LMX1B: variants seen among roughly 807,000 people sequenced by gnomAD.
LMX1B encodes LIM homeobox transcription factor 1 beta, also known as LIM homeobox transcription factor 1-beta.
Under a neutral mutation model 51.4 loss-of-function variants are expected in LMX1B, and 12 were observed. The observed-to-expected ratio is 0.23, with a 90% CI of 0.15 to 0.38. The LOEUF is 0.38. Ranked by LOEUF, LMX1B falls within the 10% of genes least tolerant of loss-of-function variation. The pLI is 1.00. For synonymous variants in LMX1B, 237 were observed against 235.4 expected, an observed-to-expected ratio of 1.01 and a Z score of -0.06; for missense variants, 445 against 571.1, an observed-to-expected ratio of 0.78 and a Z score of 2.25.
rs1025961105 is a variant in LMX1B at position 126,626,194 on chromosome 9, C to T, written c.326+10625C>T. The stretch of plus-strand genomic sequence containing the variant: ...GAGGATCCGCTCTGGAGTCCCCGTG[C>T]GCCCTGGCAGAGGTCGGGGACGCCA... On this transcript the variant is annotated intron_variant, in intron 2 of 7. Transcript: ENST00000373474. This position sits in a 1 kb window ranked among gnomAD's most constrained non-coding sequence, Gnocchi z 4.3. Among the ~76,000 whole-genome samples the T allele has an allele frequency of 5.9e-5, 9 of 152,220 alleles. No individual in the cohort carries two copies. The highest frequency in any genetic ancestry group is 1.2e-4 in the Non-Finnish European group (8 of 68,032).
At chr9:126,664,645 G>T (rs7853078) in intron 2 of LMX1B, among the ~76,000 whole-genome samples, 5,111 of 152,330 alleles carry the variant, frequency 0.034, 279 homozygotes, top group African/African-American at 0.12. Context: ...GGAGGCTGAG[G>T]TGGGCAGATC....
At chr9:126,617,253 G>C (rs949027762) in intron 2 of LMX1B, among the ~76,000 whole-genome samples, 3 of 151,838 alleles carry the variant, frequency 2.0e-5, no homozygotes, top group South Asian at 4.1e-4. Context: ...TGCACCCCTG[G>C]CCTCACTCTG....
intron 2 of LMX1B, among the ~76,000 whole-genome samples, chr9:126,623,588 G>A (rs961298021): frequency 2.6e-5 from 4 of 152,194 alleles, no homozygotes; most frequent in Admixed American, 1.3e-4. Context: ...TTCCCCCCCA[G>A]GCGGGTCCAA....
chr9:126,631,833 G>A (rs973310338), intron 2 of LMX1B, among the ~76,000 whole-genome samples: 4 of 152,140 alleles, frequency 2.6e-5, no homozygotes, highest in African/African-American at 9.7e-5. Context: ...CCCTGCCTCC[G>A]GGTAAGGATG....
chr9:126,621,669 T>G (rs976836774), intron 2 of LMX1B, among the ~76,000 whole-genome samples: 3 of 149,796 alleles, frequency 2.0e-5, no homozygotes, highest in Admixed American at 6.6e-5. Flanking sequence ...TTTTTTTTTT[T>G]TTTTTTTTTT....
intron 2 of LMX1B, among the ~76,000 whole-genome samples, chr9:126,643,850 G>A (rs894463927): frequency 6.6e-6 from 1 of 152,218 alleles, no homozygotes; most frequent in Non-Finnish European, 1.5e-5. Flanking sequence ...TTGTGTGCCA[G>A]GCACTGTGTT....
At chr9:126,644,887 G>A (rs1391250232) in intron 2 of LMX1B, among the ~76,000 whole-genome samples, 2 of 152,186 alleles carry the variant, frequency 1.3e-5, no homozygotes, top group Admixed American at 1.3e-4. Flanking sequence ...GGCCCTTTCA[G>A]CAATTCTGTT....
At position 126,690,890 on chromosome 9, in the gene LMX1B, C is replaced by T. The variant is rs540034621; in HGVS notation, c.381C>T (p.Phe127=). Residue 127 remains phenylalanine (F), a synonymous_variant, in exon 3 of 8, where the codon TTC becomes TTT. Transcript: ENST00000373474. ...TGGAGAAGATCGCCCCCACCGAGTT[C>T]GTGATGCGGGCGCTGGAGTGCGTGT... ...GCMEKIAPTE[F]VMRALECVYH... 126 of 1,613,702 alleles carry T rather than the reference C, an allele frequency of 7.8e-5. No homozygotes were observed. Among genetic ancestry groups the T allele is most frequent in the Admixed American group, 3.3e-5 (2 of 59,996 alleles).
intron 2 of LMX1B, among the ~76,000 whole-genome samples, chr9:126,689,580 A>C (rs2030038564): frequency 6.6e-6 from 1 of 152,246 alleles, no homozygotes; most frequent in Non-Finnish European, 1.5e-5. Flanking sequence ...CCCACAGAGC[A>C]GGACACGTGA....
intron 2 of LMX1B, among the ~76,000 whole-genome samples, chr9:126,651,290 G>A (rs1271054897): frequency 6.8e-6 from 1 of 146,554 alleles, no homozygotes; most frequent in Non-Finnish European, 1.5e-5. Flanking sequence ...CACCTGGAAG[G>A]AGGGACTGGG....
chr9:126,644,066 G>A (rs1835855954), intron 2 of LMX1B, among the ~76,000 whole-genome samples: 1 of 152,100 alleles, frequency 6.6e-6, no homozygotes, highest in Non-Finnish European at 1.5e-5. Flanking sequence ...AGGAGAAGAG[G>A]CCCGGCTGAT....
Position 126,700,919 on chromosome 9 carries a change from C to T in LMX1B, c.*4468C>T, listed in dbSNP as rs2030522404. The T allele has an allele frequency of 1.3e-5, 2 of 152,328 alleles. No individual in the cohort carries two copies. Among genetic ancestry groups the T allele is most frequent in the Admixed American group, 6.5e-5 (1 of 15,290 alleles). The allele number at this position is 152,328 out of a possible 1,614,324, so 9.4% of individuals were successfully genotyped here. A position where few individuals can be genotyped will look rare whatever the true frequency, so the allele number is the denominator to read the frequency against. On this transcript the variant is annotated 3_prime_UTR_variant, in exon 8 of 8. Transcript: ENST00000373474. ...TTAGCGTTTACCACACCACCACCCCCACCCTGCCCTCCACTCTCACCTTCC... is the reference window on the plus strand; with the variant it reads ...TTAGCGTTTACCACACCACCACCCCTACCCTGCCCTCCACTCTCACCTTCC...
intron 2 of LMX1B, among the ~76,000 whole-genome samples, chr9:126,637,695 G>A (rs1835737266): frequency 6.6e-6 from 1 of 152,056 alleles, no homozygotes; most frequent in Admixed American, 6.5e-5. Context: ...CCTGGCCTGT[G>A]ACGTCCATGA....
chr9:126,618,025 G>T lies in LMX1B; in HGVS notation c.326+2456G>T, dbSNP rs941799816. Among the ~76,000 whole-genome samples, 1 of 152,144 alleles carries T rather than the reference G, an allele frequency of 6.6e-6. No homozygotes were observed. Among genetic ancestry groups the T allele is most frequent in the Non-Finnish European group, 1.5e-5 (1 of 68,020 alleles). On this transcript the variant is annotated intron_variant, in intron 2 of 7. Transcript: ENST00000373474. This position sits in a 1 kb window ranked among gnomAD's most constrained non-coding sequence, Gnocchi z 4.5. ...CAGCCACTGGAAAGGGATGTTCTTT[G>T]CACAATAAAAATTTTTTTATTCACA...
chr9:126,635,818 G>A (rs781382168), intron 2 of LMX1B, among the ~76,000 whole-genome samples: 11 of 152,214 alleles, frequency 7.2e-5, no homozygotes, highest in Non-Finnish European at 1.2e-4. Flanking sequence ...GCACATCTTA[G>A]GTGCCATGAG....
rs5900715 is a variant in LMX1B, at chr9:126,653,142, C to CTTTTTTT, written c.326+37595_326+37601dup. Among the ~76,000 whole-genome samples, 14 of 55,394 alleles carry CTTTTTTT rather than the reference C, an allele frequency of 2.5e-4. 2 individuals carry two copies. Among genetic ancestry groups the CTTTTTTT allele is most frequent in the African/African-American group, 1.0e-3 (14 of 13,866 alleles). 36.3% of individuals were successfully genotyped at this position (55,394 alleles called of 152,430 possible). ...TGTTTTGTTTTGTTTCAAGTAGATGCTTTTTTTTTTTTTTTTTTTTTTTTT... is the reference window on the plus strand; with the variant it reads ...TGTTTTGTTTTGTTTCAAGTAGATGCTTTTTTTTTTTTTTTTTTTTTTTTTTTTTTTT... On this transcript the variant is annotated intron_variant, in intron 2 of 7. Transcript: ENST00000373474.
intron 2 of LMX1B, among the ~76,000 whole-genome samples, chr9:126,620,437 T>C (rs1344626886): frequency 6.6e-6 from 1 of 152,216 alleles, no homozygotes; most frequent in African/African-American, 2.4e-5. Flanking sequence ...CACAGGCACC[T>C]GGTGGAACTT....
intron 2 of LMX1B, among the ~76,000 whole-genome samples, chr9:126,637,026 G>T (rs1444034027): frequency 6.6e-6 from 1 of 152,202 alleles, no homozygotes; most frequent in African/African-American, 2.4e-5. Context: ...GCCCAGCCTG[G>T]CATAGGACAC....
intron 2 of LMX1B, among the ~76,000 whole-genome samples, chr9:126,617,530 G>A (rs947497848): frequency 1.3e-5 from 2 of 151,724 alleles, no homozygotes; most frequent in Non-Finnish European, 2.9e-5. Flanking sequence ...GGTTCTTCAG[G>A]CACAGAATGG....
Sources: gnomAD v4.1 joint callset for allele counts (sites outside exome capture counted in the v4.1 genomes callset) on GRCh38, gnomAD v4.1.1 for gene constraint, Gnocchi (gnomAD v3.1) non-coding constraint, MANE v1.5 for transcripts, NCBI Gene and HGNC (gene_info 2026-07-23, HGNC 2026-07-21) for gene names.